Variants in FBXO21 observed in about 807,000 individuals in gnomAD.
FBXO21 encodes F-box protein 21.
Under a neutral mutation model 76.6 loss-of-function variants are expected in FBXO21, and 32 were observed. That is an observed-to-expected ratio of 0.42 (90% confidence interval 0.32 to 0.56). FBXO21 has a LOEUF of 0.56. Ranked by LOEUF, FBXO21 falls within the 20% of genes least tolerant of loss-of-function variation. The pLI is 0.16. For missense variants in FBXO21, 586 were observed against 797.3 expected (o/e 0.73, Z 3.19); for synonymous variants, 328 against 311.5 (o/e 1.05, Z -0.56).
At chr12:117,182,210 C>T (rs1956241088) in intron 3 of FBXO21, among the ~76,000 whole-genome samples, 1 of 152,126 alleles carries the variant, frequency 6.6e-6, no homozygotes, top group African/African-American at 2.4e-5. Flanking sequence ...TTAAAAACAA[C>T]CTTATTTGTT....
intron 11 of FBXO21, among the ~76,000 whole-genome samples, chr12:117,152,521 T>C (rs921333078): frequency 2.3e-5 from 3 of 130,610 alleles, no homozygotes; most frequent in African/African-American, 7.6e-5. Context: ...GTCAAAGTCA[T>C]ATGAAAAAGG....
At chr12:117,182,759 T>C (rs1381347709) in intron 3 of FBXO21, among the ~76,000 whole-genome samples, 1 of 151,514 alleles carries the variant, frequency 6.6e-6, no homozygotes, top group African/African-American at 2.4e-5. Flanking sequence ...GGCAGGGTTT[T>C]ACCATGTTGG....
Position 117,144,175 on chromosome 12 carries a change from A to G in FBXO21, c.*1912T>C, listed in dbSNP as rs1194785941. The G allele has an allele frequency of 6.6e-6, 1 of 152,294 alleles. No homozygotes were observed. The highest frequency in any genetic ancestry group is 1.5e-5 in the Non-Finnish European group (1 of 68,048). The allele number at this position is 152,294 out of a possible 1,614,324, so 9.4% of individuals were successfully genotyped here. On this transcript the variant is annotated 3_prime_UTR_variant, in exon 12 of 12. Coordinates refer to ENST00000622495, the MANE Select transcript of FBXO21 (RefSeq NM_015002.3). Reference sequence around the variant, plus strand: ...GATGTGTCTAAGAAAAAAGGAAATCAATCAAACCAGAAAACCAACAATTGC... The same window carrying G: ...GATGTGTCTAAGAAAAAAGGAAATCGATCAAACCAGAAAACCAACAATTGC...
At chr12:117,155,988 G>A (rs1218146406) in intron 10 of FBXO21, 40 bp from the exon 11 acceptor site, 21 of 1,599,068 alleles carry the variant, frequency 1.3e-5, no homozygotes, top group East Asian at 2.2e-5. Flanking sequence ...CTGCAGACCC[G>A]GCCGCAACAA....
At position 117,174,640 on chromosome 12, in the gene FBXO21, C is replaced by A; in HGVS notation, c.739+11G>T. 1.9e-6 allele frequency: 3 copies of A among 1,613,172 alleles called. No individual in the cohort carries two copies. In the South Asian group the frequency reaches 3.3e-5, roughly 18 times the overall value. On this transcript the variant is annotated intron_variant, in intron 5 of 11. Transcript: ENST00000622495. ...TTCATAAATACAGCTGGATCCAAAG[C>A]AATGCCACACCTGCCTTGAAGGCCA...
chr12:117,155,629 G>T (rs993980573), intron 11 of FBXO21, 162 bp downstream of exon 11: 10 of 795,442 alleles, frequency 1.3e-5, no homozygotes, highest in Non-Finnish European at 1.6e-5. Flanking sequence ...TGCAGACCCA[G>T]CCACGTTTAG....
intron 4 of FBXO21, among the ~76,000 whole-genome samples, chr12:117,175,473 C>T (rs1477419518): frequency 2.0e-5 from 3 of 152,160 alleles, no homozygotes; most frequent in East Asian, 1.9e-4. Context: ...GTAAGGACAC[C>T]GTTATGTGGG....
At chr12:117,188,364 G>A (rs1486679243) in intron 2 of FBXO21, among the ~76,000 whole-genome samples, 2 of 152,074 alleles carry the variant, frequency 1.3e-5, no homozygotes, top group African/African-American at 4.8e-5. Context: ...GACCAACATG[G>A]TGAAACCCCA....
chr12:117,174,879 G>C, intron 4 of FBXO21, 82 bp from the exon 5 acceptor site: 3 of 1,434,734 alleles, frequency 2.1e-6, no homozygotes, highest in Admixed American at 1.8e-5. Context: ...GGACATCCTG[G>C]GACATGGCTC....
chr12:117,184,521 A>G (rs1433173095), intron 3 of FBXO21, among the ~76,000 whole-genome samples: 1 of 152,222 alleles, frequency 6.6e-6, no homozygotes, highest in African/African-American at 2.4e-5. Context: ...TGGGAAGCCG[A>G]GACCAGCAGA....
At chr12:117,166,810 G>C in intron 8 of FBXO21, 88 bp downstream of exon 8, 1 of 1,169,362 alleles carries the variant, frequency 8.6e-7, no homozygotes, top group African/African-American at 1.5e-5. Flanking sequence ...AGATCTCAAC[G>C]AAAAGTCACT....
intron 3 of FBXO21, among the ~76,000 whole-genome samples, chr12:117,182,945 T>C (rs1365383104): frequency 6.6e-6 from 1 of 152,020 alleles, no homozygotes; most frequent in Non-Finnish European, 1.5e-5. Context: ...TAGAAAAAAT[T>C]AGCCAGGTGT....
At position 117,181,572 on chromosome 12, in the gene FBXO21, G is replaced by A. The variant is rs567321281; in HGVS notation, c.471-3931C>T. On this transcript the variant is annotated intron_variant, in intron 3 of 11. Transcript: ENST00000622495. ...ATCTATCTATCTGAGACAGTCTATC[G>A]ATCGATCGATCTATCTATCTGAGAC... Among the ~76,000 whole-genome samples the A allele has an allele frequency of 7.2e-5, 10 of 139,416 alleles. No homozygotes were observed. The South Asian group carries it at 9.4e-4, about 13-fold the overall frequency. The allele number at this position is 139,416 out of a possible 152,430, so 91.5% of individuals were successfully genotyped here.
At chr12:117,172,087 T>C (rs12310794) in intron 7 of FBXO21, among the ~76,000 whole-genome samples, 30,393 of 151,724 alleles carry the variant, frequency 0.2, 3,440 homozygotes, top group East Asian at 0.43. Context: ...GAAATAATTT[T>C]TTTAAGAACT....
At chr12:117,168,384 C>T (rs185755091) in intron 7 of FBXO21, among the ~76,000 whole-genome samples, 120 of 151,922 alleles carry the variant, frequency 7.9e-4, no homozygotes, top group Admixed American at 2.5e-3. Context: ...ATTAGCTGGG[C>T]GTGGTGGTGC....
rs937236892 is a variant in FBXO21, at chr12:117,145,363, T to C, written c.*724A>G. The C allele has an allele frequency of 3.3e-5, 5 of 151,960 alleles. No individual in the cohort carries two copies. Among genetic ancestry groups the C allele is most frequent in the Admixed American group, 2.0e-4 (3 of 15,246 alleles). The allele number at this position is 151,960 out of a possible 1,614,324, so 9.4% of individuals were successfully genotyped here. The stretch of plus-strand genomic sequence containing the variant: ...ATTTGCATTTTCTAAAAGAATTTTA[T>C]GTAATAAAATAGAAAACTAATGATT... On this transcript the variant is annotated 3_prime_UTR_variant, in exon 12 of 12. Coordinates refer to ENST00000622495, the MANE Select transcript of FBXO21 (RefSeq NM_015002.3).
chr12:117,147,958 C>G (rs985428714), intron 11 of FBXO21, among the ~76,000 whole-genome samples: 2 of 152,200 alleles, frequency 1.3e-5, no homozygotes, highest in African/African-American at 2.4e-5. Context: ...CCAGTAAGGC[C>G]AACGATGGGC....
At chr12:117,165,388 C>A in intron 9 of FBXO21, 97 bp downstream of exon 9, 1 of 1,221,050 alleles carries the variant, frequency 8.2e-7, no homozygotes, top group South Asian at 1.7e-5. Flanking sequence ...TGTGTTTATT[C>A]CCCATGTTAA....
chr12:117,175,904 A>G (rs1956168214), intron 4 of FBXO21, among the ~76,000 whole-genome samples: 1 of 152,230 alleles, frequency 6.6e-6, no homozygotes, highest in African/African-American at 2.4e-5. Flanking sequence ...ATGAAAAAGG[A>G]GTATTTGTTT....
Sources: allele counts gnomAD v4.1 joint callset (sites outside exome capture counted in the v4.1 genomes callset), GRCh38; gene constraint gnomAD v4.1.1; transcripts MANE v1.5; gene names NCBI Gene and HGNC (gene_info 2026-07-23, HGNC 2026-07-21).